The following CACNA2D1 variants were observed in gnomAD, a reference collection of about 807,000 sequenced individuals.
The protein encoded by CACNA2D1 is voltage-dependent calcium channel subunit alpha-2/delta-1.
CACNA2D1 carries 53 observed loss-of-function variants against 171.5 expected under a neutral mutation model. That is an observed-to-expected ratio of 0.31 (90% confidence interval 0.25 to 0.39). The LOEUF is 0.39. Ranked by LOEUF, CACNA2D1 falls within the 10% of genes least tolerant of loss-of-function variation. The pLI is 1.00. For missense variants in CACNA2D1, 903 were observed against 1,299.8 expected (o/e 0.69, Z 4.69); for synonymous variants, 442 against 443.1 (o/e 1.00, Z 0.03).
chr7:81,968,167 G>A (rs1794905078), intron 29 of CACNA2D1, among the ~76,000 whole-genome samples: 1 of 151,558 alleles, frequency 6.6e-6, no homozygotes, highest in South Asian at 2.1e-4. Context: ...AAGTGATGGA[G>A]TGAATTCATG....
chr7:81,989,271 G>A (rs1584309082), intron 21 of CACNA2D1, among the ~76,000 whole-genome samples: 1 of 152,194 alleles, frequency 6.6e-6, no homozygotes, highest in African/African-American at 2.4e-5. Context: ...GCCACTGATG[G>A]CCGTGCCAGA....
At chr7:82,334,674 T>G (rs1358528711) in intron 3 of CACNA2D1, among the ~76,000 whole-genome samples, 1 of 151,512 alleles carries the variant, frequency 6.6e-6, no homozygotes, top group Non-Finnish European at 1.5e-5. Flanking sequence ...GAAAACTATT[T>G]TTAAAAAGAA....
At chr7:82,138,050 T>A (rs258706) in intron 4 of CACNA2D1, among the ~76,000 whole-genome samples, 59,729 of 151,928 alleles carry the variant, frequency 0.39, 11,859 homozygotes, top group Middle Eastern at 0.45. Context: ...GACTTTAGAA[T>A]ATAATAAAGT....
chr7:82,141,828 C>A (rs1332995210), intron 4 of CACNA2D1, among the ~76,000 whole-genome samples: 1 of 152,170 alleles, frequency 6.6e-6, no homozygotes, highest in Non-Finnish European at 1.5e-5. Context: ...CTTTCTTAAT[C>A]ATTTCCCTGT....
intron 1 of CACNA2D1, among the ~76,000 whole-genome samples, chr7:82,425,488 A>AAAAT (rs898483524): frequency 5.3e-5 from 8 of 152,150 alleles, no homozygotes; most frequent in African/African-American, 1.7e-4. Flanking sequence ...ATACCAAACC[A>AAAAT]AAATAAATAA....
intron 5 of CACNA2D1, among the ~76,000 whole-genome samples, chr7:82,129,786 G>T (rs1026015008): frequency 1.3e-5 from 2 of 152,128 alleles, no homozygotes; most frequent in Non-Finnish European, 2.9e-5. Flanking sequence ...ATGAAGAAAG[G>T]CCTATCTAGT....
Position 82,066,467 on chromosome 7 carries a change from C to T in CACNA2D1, c.716G>A (p.Arg239His), listed in dbSNP as rs1372539333. The change falls in exon 8 of 39, where the codon CGC (arginine) becomes CAC (histidine). Residue 239 changes from arginine to histidine, a missense_variant. By Grantham distance (29) the Arg-to-His change is conservative. Transcript: ENST00000356860. Reference sequence around the variant, plus strand: ...TAAAAATTCTTACCATGGTCTTCTGCGTACATCATAAAGGTCAATCTTATT... The same window carrying T: ...TAAAAATTCTTACCATGGTCTTCTGTGTACATCATAAAGGTCAATCTTATT... Reference protein sequence around the residue: ...TPNKIDLYDVRRRPWYIQGAA... With the variant: ...TPNKIDLYDVHRRPWYIQGAA... 2 of 1,608,870 alleles carry T rather than the reference C, an allele frequency of 1.2e-6. No homozygotes were observed. The highest frequency in any genetic ancestry group is 1.7e-5 in the Admixed American group (1 of 59,462).
chr7:82,284,026 T>C (rs958522831), intron 3 of CACNA2D1, among the ~76,000 whole-genome samples: 1 of 151,530 alleles, frequency 6.6e-6, no homozygotes, highest in Non-Finnish European at 1.5e-5. Context: ...TAAGCAAAAC[T>C]TCAAATATAG....
intron 5 of CACNA2D1, among the ~76,000 whole-genome samples, chr7:82,133,210 T>G (rs902476804): frequency 2.7e-4 from 41 of 152,166 alleles, no homozygotes; most frequent in Non-Finnish European, 8.8e-5. Flanking sequence ...ATCAGCAATA[T>G]TCAGACTTGT....
chr7:82,323,785 G>C (rs1816292707), intron 3 of CACNA2D1, among the ~76,000 whole-genome samples: 2 of 152,096 alleles, frequency 1.3e-5, no homozygotes, highest in South Asian at 4.1e-4. Flanking sequence ...ATTAGATAGT[G>C]CTTTCTGATC....
chr7:82,138,444 T>G (rs1269659504), intron 4 of CACNA2D1, among the ~76,000 whole-genome samples: 15 of 59,566 alleles, frequency 2.5e-4, no homozygotes, highest in African/African-American at 1.0e-3. Context: ...TTTTTTGTTT[T>G]TTTTGTTTTT....
chr7:81,980,942 C>T (rs1796379516), intron 24 of CACNA2D1, among the ~76,000 whole-genome samples: 1 of 152,168 alleles, frequency 6.6e-6, no homozygotes, highest in South Asian at 2.1e-4. Context: ...TTATAAGATG[C>T]TAAATCTGAA....
At chr7:82,288,957 T>C (rs572511352) in intron 3 of CACNA2D1, among the ~76,000 whole-genome samples, 32 of 152,254 alleles carry the variant, frequency 2.1e-4, no homozygotes, top group African/African-American at 7.5e-4. Context: ...ACGCAGCCCA[T>C]AGTTAAATAA....
rs1411401065 is a variant in CACNA2D1, at chr7:82,443,677, C to G, written c.-218G>C. ...GGTGGCGGGCGGACCCACTAGCGTG[C>G]GTCGGCTGCTCCGCGCCGCGGCCGC... On this transcript the variant is annotated 5_prime_UTR_variant, in exon 1 of 39. Coordinates refer to ENST00000356860, the MANE Select transcript of CACNA2D1 (RefSeq NM_000722.4). 1 of 1,246,454 alleles carries G rather than the reference C, an allele frequency of 8.0e-7. No individual in the cohort carries two copies. The highest frequency in any genetic ancestry group is 1.6e-5 in the African/African-American group (1 of 64,246). 77.2% of individuals were successfully genotyped at this position (1,246,454 alleles called of 1,614,324 possible).
chr7:82,188,279 A>G (rs1563177182), intron 3 of CACNA2D1, among the ~76,000 whole-genome samples: 1 of 152,170 alleles, frequency 6.6e-6, no homozygotes, highest in Non-Finnish European at 1.5e-5. Context: ...AGACCAAAGT[A>G]TACTAAAGAT....
chr7:82,269,289 A>G (rs1164013798), intron 3 of CACNA2D1, among the ~76,000 whole-genome samples: 16 of 151,934 alleles, frequency 1.1e-4, no homozygotes, highest in Non-Finnish European at 1.8e-4. Flanking sequence ...TACCAATCTT[A>G]TTCTCCTTTT....
intron 2 of CACNA2D1, among the ~76,000 whole-genome samples, chr7:82,346,877 A>T (rs908969846): frequency 1.3e-5 from 2 of 152,228 alleles, no homozygotes; most frequent in Admixed American, 6.5e-5. Flanking sequence ...TGCTATTAAC[A>T]TATGTTCTAA....
chr7:82,355,870 A>C (rs12707487), intron 1 of CACNA2D1, among the ~76,000 whole-genome samples: 2 of 151,830 alleles, frequency 1.3e-5, no homozygotes, highest in East Asian at 3.9e-4. Context: ...CTCCAGTTCT[A>C]TCTTAACTAC....
intron 3 of CACNA2D1, among the ~76,000 whole-genome samples, chr7:82,200,092 T>C (rs1377336234): frequency 1.3e-5 from 2 of 152,072 alleles, no homozygotes; most frequent in African/African-American, 2.4e-5. Context: ...ATTTTTCCCT[T>C]GATACACAAA....
Sources: allele counts gnomAD v4.1 joint callset (sites outside exome capture counted in the v4.1 genomes callset), GRCh38; gene constraint gnomAD v4.1.1; transcripts MANE v1.5; gene names NCBI Gene and HGNC (gene_info 2026-07-23, HGNC 2026-07-21).